Variants in SLC39A10 observed in about 807,000 individuals in gnomAD.
SLC39A10 encodes the protein solute carrier family 39 member 10.
Under a neutral mutation model 65.1 loss-of-function variants are expected in SLC39A10, and 13 were observed. The ratio of observed to expected loss-of-function variants is 0.20; its 90% CI spans 0.13 to 0.32. The LOEUF (loss-of-function observed/expected upper bound fraction) is 0.32. Ranked by LOEUF, SLC39A10 falls within the 10% of genes least tolerant of loss-of-function variation. SLC39A10 has a pLI of 1.00. For missense variants in SLC39A10, 831 were observed against 1,018.4 expected (o/e 0.82, Z 2.50); for synonymous variants, 321 against 342.2 (o/e 0.94, Z 0.68).
chr2:195,622,081 T>C (rs1688359768), intron 2 of SLC39A10, among the ~76,000 whole-genome samples: 1 of 152,160 alleles, frequency 6.6e-6, no homozygotes, highest in African/African-American at 2.4e-5. Context: ...ACAAGTGATT[T>C]AGGGCTGGGG....
chr2:195,717,575 C>T (rs947701891), intron 7 of SLC39A10, among the ~76,000 whole-genome samples: 2 of 151,822 alleles, frequency 1.3e-5, no homozygotes, highest in African/African-American at 4.8e-5. Flanking sequence ...TTTGAATTTA[C>T]AGTAGCTGTT....
chr2:195,683,498 T>C (rs376089965), intron 2 of SLC39A10, among the ~76,000 whole-genome samples: 1 of 152,172 alleles, frequency 6.6e-6, no homozygotes, highest in East Asian at 1.9e-4. Context: ...ATTATTAAAG[T>C]CCATGAAAAG....
In SLC39A10 at chr2:195,674,363, C is replaced by T. The variant is rs745356608; in HGVS notation, c.-11-5669C>T. On this transcript the variant is annotated intron_variant, in intron 1 of 9. Transcript: ENST00000359634. ...CATGATCTCGGCTCACTGCAACCTC[C>T]GCCTCCTGAGTCCAAGCGATTCTCC... Among the ~76,000 whole-genome samples the T allele has an allele frequency of 2.2e-4, 34 of 151,980 alleles. 1 individual carries two copies. The highest frequency in any genetic ancestry group is 4.0e-4 in the Non-Finnish European group (27 of 67,996).
chr2:195,675,556 C>T (rs771009948), intron 1 of SLC39A10, among the ~76,000 whole-genome samples: 5 of 152,178 alleles, frequency 3.3e-5, no homozygotes, highest in Admixed American at 1.3e-4. Flanking sequence ...CTCAGCCTCC[C>T]GAGTAGCTCG....
chr2:195,713,560 A>C lies in SLC39A10; in HGVS notation c.1696+7A>C. On this transcript the variant is annotated splice_region_variant and intron_variant, in intron 6 of 9. Coordinates refer to ENST00000359634, the MANE Select transcript of SLC39A10 (RefSeq NM_020342.3). The stretch of plus-strand genomic sequence containing the variant: ...CAACTCAAGCCTCTTGCCGGTAGAC[A>C]GCAATTCTGACTCAAGACAAACTTT... 6.5e-7 allele frequency: 1 copy of C among 1,547,734 alleles called. No homozygotes were observed. The highest frequency in any genetic ancestry group is 2.5e-5 in the Admixed American group (1 of 40,526).
At chr2:195,676,418 A>G (rs1435717884) in intron 1 of SLC39A10, among the ~76,000 whole-genome samples, 1 of 151,836 alleles carries the variant, frequency 6.6e-6, no homozygotes, top group African/African-American at 2.4e-5. Flanking sequence ...AATTTAGTTA[A>G]TCAAAAATTT....
rs530558157 is a variant in SLC39A10, at chr2:195,724,424, C to T, written c.2147-3735C>T. Among the ~76,000 whole-genome samples, 7 of 152,204 alleles carry T rather than the reference C, an allele frequency of 4.6e-5. No homozygotes were observed. The South Asian group carries it at 1.5e-3, about 32-fold the overall frequency. ...AAATGAGGAAAAAGAGAAAAATATG[C>T]AGATACCTTTGAGAATTTATAACCT... On this transcript the variant is annotated intron_variant, in intron 8 of 9. Coordinates refer to ENST00000359634, the MANE Select transcript of SLC39A10 (RefSeq NM_020342.3).
chr2:195,617,981 C>T (rs868638246), intron 2 of SLC39A10, among the ~76,000 whole-genome samples: 90 of 151,110 alleles, frequency 6.0e-4, no homozygotes, highest in Admixed American at 6.6e-4. Context: ...CCTCGTGATC[C>T]GCCCACCTTG....
rs969068807 is a variant in SLC39A10 at position 195,676,267 on chromosome 2, G to A, written c.-11-3765G>A. 2.0e-5 allele frequency among the ~76,000 whole-genome samples: 3 copies of A among 151,540 alleles called. No homozygotes were observed. The East Asian group carries it at 5.9e-4, about 30-fold the overall frequency. ...TGTGGTGGCACAATCTTGGCTCACTGCAACCTCCACCTCCCGAGTTCAAGC... is the reference window on the plus strand; with the variant it reads ...TGTGGTGGCACAATCTTGGCTCACTACAACCTCCACCTCCCGAGTTCAAGC... On this transcript the variant is annotated intron_variant, in intron 1 of 9. Transcript: ENST00000359634.
At chr2:195,648,598 A>G (rs751070491) in intron 2 of SLC39A10, among the ~76,000 whole-genome samples, 5 of 152,122 alleles carry the variant, frequency 3.3e-5, no homozygotes, top group Non-Finnish European at 1.5e-5. Context: ...GGATCACTTG[A>G]GTTTGGGAGG....
intron 3 of SLC39A10, among the ~76,000 whole-genome samples, chr2:195,693,532 G>A (rs1690826535): frequency 6.6e-6 from 1 of 152,018 alleles, no homozygotes; most frequent in South Asian, 2.1e-4. Flanking sequence ...ATCTAGGACG[G>A]TTGTATATTT....
intron 5 of SLC39A10, among the ~76,000 whole-genome samples, chr2:195,711,264 TA>T (rs1691593071): frequency 6.6e-6 from 1 of 152,228 alleles, no homozygotes; most frequent in South Asian, 2.1e-4. Flanking sequence ...AGATTTCAGA[TA>T]AACAAGTTTT....
At chr2:195,658,746 G>A (rs1039309295) in intron 1 of SLC39A10, among the ~76,000 whole-genome samples, 2 of 152,270 alleles carry the variant, frequency 1.3e-5, no homozygotes, top group Admixed American at 1.3e-4. Flanking sequence ...TCTAGATCTT[G>A]GATCCATGCC....
chr2:195,685,586 T>C (rs1022508119), intron 3 of SLC39A10, among the ~76,000 whole-genome samples: 2 of 152,094 alleles, frequency 1.3e-5, no homozygotes, highest in African/African-American at 4.8e-5. Context: ...CCCATCCCTT[T>C]CTCCCTCTTC....
intron 5 of SLC39A10, among the ~76,000 whole-genome samples, chr2:195,709,051 G>T (rs1691508574): frequency 6.6e-6 from 1 of 151,952 alleles, no homozygotes; most frequent in Non-Finnish European, 1.5e-5. Flanking sequence ...TTGAGACAGG[G>T]TCTCCCTCTG....
rs141005673 is a variant in SLC39A10 at position 195,735,038 on chromosome 2, T to A, written c.2493T>A (p.Phe831Leu). The change falls in exon 10 of 10, where the codon TTT becomes TTA. Residue 831 changes from phenylalanine to leucine, a missense_variant. Phe to Leu is a conservative substitution (Grantham distance 22). Coordinates refer to ENST00000359634, the MANE Select transcript of SLC39A10 (RefSeq NM_020342.3). ...YEDKIVFDIQ[F>L] ...ATAAAATTGTGTTTGACATCCAGTT[T>A]TGACCTTTCCCAGTAATCACTGTTG... 2 of 1,610,030 alleles carry A rather than the reference T, an allele frequency of 1.2e-6. No homozygotes were observed. Among genetic ancestry groups the A allele is most frequent in the Non-Finnish European group, 1.7e-6 (2 of 1,178,616 alleles).
At chr2:195,639,106 C>T (rs115539531) in intron 2 of SLC39A10, among the ~76,000 whole-genome samples, 1,843 of 152,192 alleles carry the variant, frequency 0.012, 45 homozygotes, top group African/African-American at 0.043. Context: ...CAGGCACACA[C>T]CACCATGCTT....
At chr2:195,697,155 A>C (rs1690997936) in intron 3 of SLC39A10, among the ~76,000 whole-genome samples, 1 of 152,184 alleles carries the variant, frequency 6.6e-6, no homozygotes, top group African/African-American at 2.4e-5. Context: ...GGATCCTCGC[A>C]GTTCAAACCC....
intron 9 of SLC39A10, among the ~76,000 whole-genome samples, chr2:195,729,197 G>C (rs1356735132): frequency 6.6e-6 from 1 of 151,900 alleles, no homozygotes; most frequent in African/African-American, 2.4e-5. Context: ...GCCCAGGCTG[G>C]TCTCAAACTC....
Sources: allele counts gnomAD v4.1 joint callset (sites outside exome capture counted in the v4.1 genomes callset), GRCh38; gene constraint gnomAD v4.1.1; transcripts MANE v1.5; gene names NCBI Gene and HGNC (gene_info 2026-07-23, HGNC 2026-07-21).